Variants in ANKRD29 observed in about 807,000 individuals in gnomAD.
The protein encoded by ANKRD29 is ankyrin repeat domain-containing protein 29.
ANKRD29 carries 32 observed loss-of-function variants against 38.0 expected under a neutral mutation model. That is an observed-to-expected ratio of 0.84 (90% CI 0.64 to 1.13). ANKRD29 has a LOEUF of 1.13. Among genes scored for constraint, ANKRD29 ranks in the 50% most tolerant of loss-of-function variants. The pLI, the probability that ANKRD29 is intolerant of heterozygous loss-of-function variation, is 0.00. For synonymous variants in ANKRD29, 135 were observed against 152.4 expected (o/e 0.89, Z 0.84); for missense variants, 357 against 377.9 (o/e 0.94, Z 0.46).
At position 23,638,044 on chromosome 18, in the gene ANKRD29, C is replaced by T. The variant is rs1352385166; in HGVS notation, c.330+805G>A. ...ACAGAGTCTCACTCTGTCGCCCAGG[C>T]TGGAGTGCAGTAGCGTGATCTTGGC... On this transcript the variant is annotated intron_variant, in intron 4 of 9. Coordinates refer to ENST00000592179, the MANE Select transcript of ANKRD29 (RefSeq NM_173505.4). Among the ~76,000 whole-genome samples the T allele has an allele frequency of 3.0e-5, 4 of 133,602 alleles. No homozygotes were observed. In the East Asian group the frequency reaches 8.7e-4, roughly 29 times the overall value. The allele number at this position is 133,602 out of a possible 152,430, so 87.6% of individuals were successfully genotyped here.
At chr18:23,632,238 CTTTTT>C (rs960791879) in intron 5 of ANKRD29, among the ~76,000 whole-genome samples, 1 of 151,986 alleles carries the variant, frequency 6.6e-6, no homozygotes, top group African/African-American at 2.4e-5. Flanking sequence ...TTTTCTTTTT[CTTTTT>C]TTAATTTTTT....
At chr18:23,639,997 G>T (rs1038698979) in intron 3 of ANKRD29, among the ~76,000 whole-genome samples, 1 of 152,174 alleles carries the variant, frequency 6.6e-6, no homozygotes, top group Non-Finnish European at 1.5e-5. Context: ...GATGTTGGTT[G>T]TACCACATTA....
chr18:23,611,775 C>G (rs1432915754), intron 9 of ANKRD29, among the ~76,000 whole-genome samples: 1 of 151,918 alleles, frequency 6.6e-6, no homozygotes, highest in Non-Finnish European at 1.5e-5. Context: ...TGTAAATGAC[C>G]GGCTTCTGGG....
In ANKRD29 at chr18:23,662,782, G is replaced by T. The variant is rs748275529; in HGVS notation, c.-52C>A. 1.6e-5 allele frequency: 23 copies of T among 1,428,532 alleles called. No homozygotes were observed. The African/African-American group carries it at 3.0e-4, about 18-fold the overall frequency. The allele number at this position is 1,428,532 out of a possible 1,614,324, so 88.5% of individuals were successfully genotyped here. A position where few individuals can be genotyped will look rare whatever the true frequency, so the allele number is the denominator to read the frequency against. The stretch of plus-strand genomic sequence containing the variant: ...GCGCGCTTTGGGCCCGGGGCGCCTT[G>T]TCCTCCCCGGCCCTTCACTCTCCCG... On this transcript the variant is annotated 5_prime_UTR_variant, in exon 1 of 10. Transcript: ENST00000592179.
At chr18:23,639,144 G>A (rs1221297993) in intron 3 of ANKRD29, among the ~76,000 whole-genome samples, 197 bp from the exon 4 acceptor site, 1 of 152,206 alleles carries the variant, frequency 6.6e-6, no homozygotes, top group African/African-American at 2.4e-5. Flanking sequence ...AGTGAAATGG[G>A]ATGAATGGTG....
rs1477134332 is a variant in ANKRD29, at chr18:23,646,199, A to T, written c.221T>A (p.Leu74His). 6.2e-7 allele frequency: 1 copy of T among 1,613,934 alleles called. No individual in the cohort carries two copies. Among genetic ancestry groups the T allele is most frequent in the Non-Finnish European group, 8.5e-7 (1 of 1,180,010 alleles). ...ELVLQGADIN[L>H]QRESGTTALF... ...CAAAGCCTGACCTACCTCTCTCTGG[A>T]GATTGATGTCTGCTCCTTGCAGAAC... is the stretch of plus-strand genomic sequence containing the variant. Residue 74 changes from leucine (L) to histidine (H), a missense_variant, in exon 3 of 10, where the codon CTC (leucine) becomes CAC (histidine). Leu to His is a moderately conservative substitution (Grantham distance 99). Coordinates refer to ENST00000592179, the MANE Select transcript of ANKRD29 (RefSeq NM_173505.4).
At chr18:23,633,699 T>G (rs2059962885) in intron 5 of ANKRD29, among the ~76,000 whole-genome samples, 1 of 152,026 alleles carries the variant, frequency 6.6e-6, no homozygotes, top group Non-Finnish European at 1.5e-5. Flanking sequence ...GCCTCCTGAG[T>G]AGCTGGGATT....
At chr18:23,620,657 A>G (rs2059785877) in intron 6 of ANKRD29, among the ~76,000 whole-genome samples, 1 of 152,168 alleles carries the variant, frequency 6.6e-6, no homozygotes, top group African/African-American at 2.4e-5. Context: ...GTTATGGGGA[A>G]TTCCAGATGG....
chr18:23,619,340 T>C, intron 7 of ANKRD29, 191 bp downstream of exon 7: 1 of 598,322 alleles, frequency 1.7e-6, no homozygotes, highest in Non-Finnish European at 2.9e-6. Context: ...CTCTAGTGCG[T>C]CCCAAGGTCA....
At chr18:23,650,388 C>T (rs2060195053) in intron 1 of ANKRD29, among the ~76,000 whole-genome samples, 1 of 152,118 alleles carries the variant, frequency 6.6e-6, no homozygotes, top group Non-Finnish European at 1.5e-5. Flanking sequence ...AAGCAATCTA[C>T]CCACCTCAGC....
At chr18:23,657,085 G>A (rs553973692) in intron 1 of ANKRD29, among the ~76,000 whole-genome samples, 4 of 152,278 alleles carry the variant, frequency 2.6e-5, no homozygotes, top group South Asian at 2.1e-4. Context: ...GACTCAGGTC[G>A]TCCCACCTTC....
At chr18:23,633,251 AGGTCAAT>A (rs2059956747) in intron 5 of ANKRD29, among the ~76,000 whole-genome samples, 1 of 152,224 alleles carries the variant, frequency 6.6e-6, no homozygotes, top group Admixed American at 6.5e-5. Context: ...TGCCTTTCAC[AGGTCAAT>A]GGCATGTGTA....
At chr18:23,655,445 T>A (rs991196731) in intron 1 of ANKRD29, among the ~76,000 whole-genome samples, 2 of 152,236 alleles carry the variant, frequency 1.3e-5, no homozygotes, top group South Asian at 2.1e-4. Context: ...TTCTTTTTTT[T>A]AATTTTTTTT....
chr18:23,650,359 G>C (rs773150690), intron 1 of ANKRD29, among the ~76,000 whole-genome samples: 5 of 151,360 alleles, frequency 3.3e-5, no homozygotes, highest in Non-Finnish European at 5.9e-5. Context: ...GCCTAGGCTG[G>C]TCTCGAACTC....
chr18:23,658,987 T>G (rs1050918185), intron 1 of ANKRD29, among the ~76,000 whole-genome samples: 2 of 152,124 alleles, frequency 1.3e-5, no homozygotes, highest in Non-Finnish European at 2.9e-5. Context: ...AACACTTTTT[T>G]TTTGTTTGTT....
At chr18:23,648,553 G>GCT (rs2060168863) in intron 2 of ANKRD29, 1 of 203,872 alleles carries the variant, frequency 4.9e-6, no homozygotes, top group South Asian at 1.9e-4. Context: ...GGATGGAAAA[G>GCT]CTCTCTAAGT....
At chr18:23,626,843 C>T (rs1198991422) in intron 6 of ANKRD29, among the ~76,000 whole-genome samples, 1 of 152,120 alleles carries the variant, frequency 6.6e-6, no homozygotes, top group Non-Finnish European at 1.5e-5. Context: ...TACAGGATAC[C>T]GTAATAAAAT....
chr18:23,636,828 C>A (rs977509883), intron 4 of ANKRD29, among the ~76,000 whole-genome samples: 2 of 152,232 alleles, frequency 1.3e-5, no homozygotes, highest in Non-Finnish European at 2.9e-5. Context: ...CCTGCCTCAG[C>A]CTCCCAAAGT....
intron 6 of ANKRD29, among the ~76,000 whole-genome samples, chr18:23,629,081 T>C (rs1297423469): frequency 6.6e-6 from 1 of 152,198 alleles, no homozygotes; most frequent in African/African-American, 2.4e-5. Context: ...GCTTCCCAGG[T>C]TCAAGTGATT....
Sources: allele counts gnomAD v4.1 joint callset (sites outside exome capture counted in the v4.1 genomes callset), GRCh38; gene constraint gnomAD v4.1.1; transcripts MANE v1.5; gene names NCBI Gene and HGNC (gene_info 2026-07-23, HGNC 2026-07-21).